The following TENM2 variants were observed in gnomAD, a reference collection of about 807,000 sequenced individuals.
The protein encoded by TENM2 is teneurin-2.
In TENM2, 52 loss-of-function variants were observed where a neutral mutation model predicts 245.2. The observed-to-expected ratio is 0.21, with a 90% CI of 0.17 to 0.27. The LOEUF is 0.27. Among genes scored for constraint, TENM2 ranks in the 10% least tolerant of loss-of-function variants. The pLI, the probability that TENM2 is intolerant of heterozygous loss-of-function variation, is 1.00. For synonymous variants in TENM2, 1,363 were observed against 1,438.9 expected (o/e 0.95, Z 1.19); for missense variants, 3,046 against 3,666.8 (o/e 0.83, Z 4.37).
intron 2 of TENM2, among the ~76,000 whole-genome samples, chr5:167,551,658 T>C (rs973466422): frequency 6.6e-6 from 1 of 151,948 alleles, no homozygotes; most frequent in Non-Finnish European, 1.5e-5. Flanking sequence ...CCATAAAATA[T>C]AAGTTTTGAA....
intron 5 of TENM2, among the ~76,000 whole-genome samples, chr5:168,013,465 C>G (rs564061940): frequency 8.5e-5 from 13 of 152,084 alleles, no homozygotes; most frequent in African/African-American, 2.9e-4. Flanking sequence ...TTAGCCAGGC[C>G]TGGTGGCACA....
chr5:167,379,215 C>T (rs1760947627), intron 2 of TENM2, among the ~76,000 whole-genome samples: 1 of 152,094 alleles, frequency 6.6e-6, no homozygotes, highest in Non-Finnish European at 1.5e-5. Flanking sequence ...GCTCTGGGCA[C>T]GTAATGGATT....
intron 5 of TENM2, among the ~76,000 whole-genome samples, chr5:168,028,262 A>T (rs1466227767): frequency 6.6e-6 from 1 of 152,154 alleles, no homozygotes; most frequent in Non-Finnish European, 1.5e-5. Flanking sequence ...TTCCTGATAA[A>T]TCCTCAGGTT....
chr5:167,360,997 T>A (rs1759679077), intron 1 of TENM2, among the ~76,000 whole-genome samples: 1 of 152,156 alleles, frequency 6.6e-6, no homozygotes, highest in Non-Finnish European at 1.5e-5. Context: ...TTATGTGTAC[T>A]TTTGCTCCAT....
At chr5:167,461,400 T>G (rs959972243) in intron 2 of TENM2, among the ~76,000 whole-genome samples, 13 of 152,086 alleles carry the variant, frequency 8.5e-5, no homozygotes. Flanking sequence ...ACAGCTCCAT[T>G]CCAGGAGGCT....
intron 2 of TENM2, among the ~76,000 whole-genome samples, chr5:167,533,860 A>G (rs767628980): frequency 1.3e-5 from 2 of 152,184 alleles, no homozygotes; most frequent in Non-Finnish European, 2.9e-5. Flanking sequence ...AGTGGAATCA[A>G]TAAAAATTGA....
the TENM2 span, among the ~76,000 whole-genome samples, chr5:167,129,870 A>G: frequency 6.6e-6 from 1 of 152,180 alleles, no homozygotes; most frequent in Non-Finnish European, 1.5e-5. Context: ...TGCATCGTCT[A>G]ATATTCATCA....
At chr5:167,846,879 G>A (rs73370924) in intron 2 of TENM2, among the ~76,000 whole-genome samples, 5,446 of 152,244 alleles carry the variant, frequency 0.036, 314 homozygotes, top group African/African-American at 0.12. Flanking sequence ...ATCGTTGTGC[G>A]TTATCCTGAG....
chr5:167,102,932 T>A, the TENM2 span, among the ~76,000 whole-genome samples: 27 of 152,332 alleles, frequency 1.8e-4, no homozygotes, highest in Middle Eastern at 3.4e-3. Context: ...AGTGCCGGGA[T>A]TACAGGCATG....
At chr5:167,622,885 C>A (rs748669597) in intron 2 of TENM2, among the ~76,000 whole-genome samples, 1 of 152,130 alleles carries the variant, frequency 6.6e-6, no homozygotes, top group Non-Finnish European at 1.5e-5. Context: ...ATTCCTTCTT[C>A]CACGGTCTTG....
At chr5:167,785,460 T>C (rs539364001) in intron 2 of TENM2, among the ~76,000 whole-genome samples, 1 of 152,278 alleles carries the variant, frequency 6.6e-6, no homozygotes, top group South Asian at 2.1e-4. Flanking sequence ...TAACACACAA[T>C]TGATTTCTAG....
the TENM2 span, among the ~76,000 whole-genome samples, chr5:167,031,995 G>A: frequency 0.37 from 55,865 of 151,962 alleles, 12,333 homozygotes; most frequent in Admixed American, 0.54. Context: ...GCCATAGTTA[G>A]AAGGTAGACA....
chr5:167,709,662 C>T (rs1027339867), intron 2 of TENM2, among the ~76,000 whole-genome samples: 1 of 152,188 alleles, frequency 6.6e-6, no homozygotes, highest in Non-Finnish European at 1.5e-5. Flanking sequence ...GTATATCGTA[C>T]TCAATCTCCC....
intron 5 of TENM2, among the ~76,000 whole-genome samples, chr5:168,015,871 C>T (rs974062633): frequency 6.6e-6 from 1 of 152,170 alleles, no homozygotes; most frequent in African/African-American, 2.4e-5. Flanking sequence ...TTGAATCCCT[C>T]GTTTAATTCT....
intron 9 of TENM2, among the ~76,000 whole-genome samples, chr5:168,117,193 C>G (rs771851287): frequency 6.6e-6 from 1 of 152,220 alleles, no homozygotes; most frequent in Non-Finnish European, 1.5e-5. Context: ...TTCCAACCTT[C>G]TTCTCACCAA....
At chr5:167,804,445 G>C (rs1380400842) in intron 2 of TENM2, among the ~76,000 whole-genome samples, 1 of 152,024 alleles carries the variant, frequency 6.6e-6, no homozygotes, top group Non-Finnish European at 1.5e-5. Context: ...GGTTACATAT[G>C]TCCTAAACTA....
intron 5 of TENM2, among the ~76,000 whole-genome samples, chr5:168,008,671 A>G (rs1309190698): frequency 6.6e-6 from 1 of 152,162 alleles, no homozygotes; most frequent in Non-Finnish European, 1.5e-5. Flanking sequence ...CAGATTTGTG[A>G]TACAATTTGT....
intron 25 of TENM2, among the ~76,000 whole-genome samples, chr5:168,236,799 G>C (rs918004904): frequency 6.7e-6 from 1 of 149,726 alleles, no homozygotes; most frequent in African/African-American, 2.5e-5. Flanking sequence ...GAATGAATGG[G>C]ATTTTCCACT....
At chr5:167,913,346 T>A (rs1001106688) in intron 3 of TENM2, among the ~76,000 whole-genome samples, 2 of 152,228 alleles carry the variant, frequency 1.3e-5, no homozygotes, top group Non-Finnish European at 2.9e-5. Flanking sequence ...TTTCACATAC[T>A]GCCACCAATC....
Sources: allele counts gnomAD v4.1 joint callset (sites outside exome capture counted in the v4.1 genomes callset), GRCh38; gene constraint gnomAD v4.1.1; transcripts MANE v1.5; gene names NCBI Gene and HGNC (gene_info 2026-07-23, HGNC 2026-07-21).